ZDHHC2: variants seen among roughly 807,000 people sequenced by gnomAD.
ZDHHC2 encodes palmitoyltransferase ZDHHC2.
A neutral mutation model predicts 55.6 loss-of-function variants in ZDHHC2; 51 were observed. That is an observed-to-expected ratio of 0.92 (90% CI 0.73 to 1.16). The LOEUF (loss-of-function observed/expected upper bound fraction) is 1.16. Ranked by LOEUF, ZDHHC2 falls within the 50% of genes most tolerant of loss-of-function variation. The pLI is 0.00. For missense variants in ZDHHC2, 491 were observed against 442.4 expected, an observed-to-expected ratio of 1.11 and a Z score of -0.99; for synonymous variants, 199 against 152.9, an observed-to-expected ratio of 1.30 and a Z score of -2.22.
intron 3 of ZDHHC2, among the ~76,000 whole-genome samples, chr8:17,191,958 C>T (rs1430656602): frequency 6.6e-6 from 1 of 152,112 alleles, no homozygotes. Flanking sequence ...CACCATCTCA[C>T]CAGCATTTGT....
At chr8:17,211,876 GA>G (rs1371533891) in intron 10 of ZDHHC2, among the ~76,000 whole-genome samples, 5 of 152,028 alleles carry the variant, frequency 3.3e-5, no homozygotes, top group Admixed American at 2.0e-4. Context: ...CCTCAATGCA[GA>G]AAAATCTAGT....
At chr8:17,174,501 C>T (rs924535211) in intron 1 of ZDHHC2, among the ~76,000 whole-genome samples, 1 of 152,084 alleles carries the variant, frequency 6.6e-6, no homozygotes, top group African/African-American at 2.4e-5. Flanking sequence ...ATGTTGCACT[C>T]AGTAGGCTTC....
intron 3 of ZDHHC2, among the ~76,000 whole-genome samples, chr8:17,192,197 G>A (rs1386686106): frequency 2.6e-5 from 4 of 152,084 alleles, no homozygotes; most frequent in Non-Finnish European, 4.4e-5. Context: ...TGTTGCCTAG[G>A]CTGGCCTCAG....
intron 1 of ZDHHC2, among the ~76,000 whole-genome samples, chr8:17,180,655 G>A (rs1174193115): frequency 1.3e-5 from 2 of 152,062 alleles, no homozygotes; most frequent in African/African-American, 4.8e-5. Context: ...TTGAATTCTC[G>A]CTACAGCCCT....
intron 1 of ZDHHC2, among the ~76,000 whole-genome samples, chr8:17,177,825 G>C (rs553080927): frequency 2.0e-5 from 3 of 151,912 alleles, no homozygotes; most frequent in Non-Finnish European, 4.4e-5. Flanking sequence ...AGATGTCTGA[G>C]GCTAGGCTGG....
intron 1 of ZDHHC2, among the ~76,000 whole-genome samples, 199 bp from the exon 2 acceptor site, chr8:17,184,590 C>G (rs959798724): frequency 1.3e-5 from 2 of 150,992 alleles, no homozygotes; most frequent in Non-Finnish European, 2.9e-5. Context: ...GGAGGCATGG[C>G]TGACTGCAGC....
At chr8:17,210,735 A>ATCT (rs961904225) in intron 10 of ZDHHC2, among the ~76,000 whole-genome samples, 40 of 152,282 alleles carry the variant, frequency 2.6e-4, no homozygotes, top group African/African-American at 9.6e-4. Flanking sequence ...GTTGACTGAA[A>ATCT]TATTTTTTAA....
Position 17,222,099 on chromosome 8 carries a change from C to T in ZDHHC2, c.*1878C>T, listed in dbSNP as rs1807947303. ...TAGGGGAAAAAGAGGGATTTTTATC[C>T]TTTACTCTTCTAGAGTACTGTTAAT... On this transcript the variant is annotated 3_prime_UTR_variant, in exon 13 of 13. Transcript: ENST00000262096. 1 of 149,240 alleles carries T rather than the reference C, an allele frequency of 6.7e-6. No individual in the cohort carries two copies. The highest frequency in any genetic ancestry group is 2.0e-4 in the East Asian group (1 of 5,030). The allele number at this position is 149,240 out of a possible 1,614,324, so 9.2% of individuals were successfully genotyped here.
intron 5 of ZDHHC2, 48 bp downstream of exon 5, chr8:17,197,699 T>C (rs1378647481): frequency 3.3e-6 from 5 of 1,523,648 alleles, no homozygotes; most frequent in Non-Finnish European, 3.6e-6. Context: ...GGTGGTCTTT[T>C]TCTTCATTAT....
chr8:17,190,005 A>G (rs1364218511), intron 3 of ZDHHC2, among the ~76,000 whole-genome samples: 1 of 152,166 alleles, frequency 6.6e-6, no homozygotes, highest in Non-Finnish European at 1.5e-5. Context: ...ACCATGCTCT[A>G]GTATGGAGAG....
intron 6 of ZDHHC2, among the ~76,000 whole-genome samples, chr8:17,199,292 G>A (rs971024164): frequency 2.6e-5 from 4 of 152,068 alleles, no homozygotes; most frequent in East Asian, 1.9e-4. Context: ...CCTTTAAAGC[G>A]TTCAGGCTAG....
At chr8:17,210,577 T>A in intron 10 of ZDHHC2, 97 bp downstream of exon 10, 1 of 1,034,492 alleles carries the variant, frequency 9.7e-7, no homozygotes, top group Non-Finnish European at 1.4e-6. Flanking sequence ...ATGAAGACCA[T>A]AAGAAAATTT....
At chr8:17,217,091 C>T (rs1807687064) in intron 11 of ZDHHC2, 81 bp from the exon 12 acceptor site, 2 of 1,368,460 alleles carry the variant, frequency 1.5e-6, no homozygotes, top group African/African-American at 2.9e-5. Context: ...CCAAGGGATT[C>T]CTTATTCATA....
At chr8:17,161,276 GA>G (rs1804330500) in intron 1 of ZDHHC2, among the ~76,000 whole-genome samples, 1 of 152,122 alleles carries the variant, frequency 6.6e-6, no homozygotes, top group Non-Finnish European at 1.5e-5. Flanking sequence ...TCTTGTTATT[GA>G]TTTTAAACTG....
intron 6 of ZDHHC2, among the ~76,000 whole-genome samples, chr8:17,199,933 A>G (rs1226840297): frequency 1.3e-5 from 2 of 150,890 alleles, no homozygotes; most frequent in South Asian, 2.1e-4. Context: ...TAATTTTTGT[A>G]CTTTTAGTAG....
At chr8:17,218,945 A>T (rs1323865290) in intron 12 of ZDHHC2, among the ~76,000 whole-genome samples, 1 of 152,034 alleles carries the variant, frequency 6.6e-6, no homozygotes, top group Non-Finnish European at 1.5e-5. Flanking sequence ...GATGTGCCTA[A>T]TTTATATTAA....
intron 1 of ZDHHC2, among the ~76,000 whole-genome samples, chr8:17,165,202 C>G (rs1259433551): frequency 6.6e-6 from 1 of 152,224 alleles, no homozygotes; most frequent in Non-Finnish European, 1.5e-5. Flanking sequence ...AAGTCATAAG[C>G]TTGCTCCAAA....
At chr8:17,160,209 TTTTC>T (rs1412198167) in intron 1 of ZDHHC2, among the ~76,000 whole-genome samples, 4 of 152,218 alleles carry the variant, frequency 2.6e-5, no homozygotes, top group Non-Finnish European at 4.4e-5. Context: ...TTTCATACCG[TTTTC>T]TTTATTTCAG....
intron 1 of ZDHHC2, among the ~76,000 whole-genome samples, chr8:17,167,372 A>G (rs1804654455): frequency 7.4e-6 from 1 of 134,426 alleles, no homozygotes; most frequent in Non-Finnish European, 1.5e-5. Flanking sequence ...ATGGTGCAAT[A>G]TTGGCTCACT....
Sources: allele counts gnomAD v4.1 joint callset (sites outside exome capture counted in the v4.1 genomes callset), GRCh38; gene constraint gnomAD v4.1.1; transcripts MANE v1.5; gene names NCBI Gene and HGNC (gene_info 2026-07-23, HGNC 2026-07-21).